LRRC17: variants seen among roughly 807,000 people sequenced by gnomAD.
LRRC17 encodes the protein leucine-rich repeat-containing protein 17.
Under a neutral mutation model 41.5 loss-of-function variants are expected in LRRC17, and 33 were observed. The ratio of observed to expected loss-of-function variants is 0.80; its 90% confidence interval spans 0.60 to 1.06. LRRC17 has a LOEUF of 1.06. LRRC17 is among the 50% of genes least tolerant of loss of function. The probability of loss-of-function intolerance (pLI) is 0.00; values close to 1 mark genes in which losing one functional copy is unlikely to be tolerated. For missense variants in LRRC17, 491 were observed against 519.3 expected (o/e 0.95, Z 0.53); for synonymous variants, 192 against 197.0 (o/e 0.97, Z 0.21).
intron 1 of LRRC17, among the ~76,000 whole-genome samples, chr7:102,924,032 G>C (rs964656446): frequency 3.3e-5 from 5 of 151,986 alleles, no homozygotes; most frequent in African/African-American, 1.2e-4. Context: ...CTAAGGTCAG[G>C]AGTTTGAGGC....
At chr7:102,917,783 C>A (rs1816195828) in intron 1 of LRRC17, among the ~76,000 whole-genome samples, 1 of 152,108 alleles carries the variant, frequency 6.6e-6, no homozygotes, top group Non-Finnish European at 1.5e-5. Flanking sequence ...GAGGAGAGAC[C>A]AGAGGCAGCA....
intron 1 of LRRC17, among the ~76,000 whole-genome samples, chr7:102,925,027 G>A (rs1419172447): frequency 6.6e-6 from 1 of 152,210 alleles, no homozygotes; most frequent in South Asian, 2.1e-4. Flanking sequence ...AATAGTTTGA[G>A]AAATGTTTTC....
Position 102,913,128 on chromosome 7 carries a change from T to A in LRRC17, c.-158T>A, listed in dbSNP as rs1446893196. On this transcript the variant is annotated 5_prime_UTR_variant, in exon 1 of 4. Coordinates refer to ENST00000339431, the MANE Select transcript of LRRC17 (RefSeq NM_001031692.3). ...GGTCCAGATAGATGAGCTTGTGGCA[T>A]CCATTCCCCAAGTTCAGGTACTGTA... 1.2e-6 allele frequency: 2 copies of A among 1,614,048 alleles called. No individual in the cohort carries two copies. Among genetic ancestry groups the A allele is most frequent in the South Asian group, 2.2e-5 (2 of 91,086 alleles).
At chr7:102,942,990 A>G (rs1397953986) in intron 3 of LRRC17, among the ~76,000 whole-genome samples, 1 of 152,160 alleles carries the variant, frequency 6.6e-6, no homozygotes, top group Non-Finnish European at 1.5e-5. Flanking sequence ...GGGTGAAAAA[A>G]GCTTTTTGTT....
At chr7:102,923,408 A>C (rs1817473998) in intron 1 of LRRC17, among the ~76,000 whole-genome samples, 1 of 152,232 alleles carries the variant, frequency 6.6e-6, no homozygotes, top group Non-Finnish European at 1.5e-5. Flanking sequence ...GTTGGGAAAA[A>C]ATGTGCAGTA....
intron 1 of LRRC17, chr7:102,932,950 T>C (rs1428641654): frequency 6.6e-6 from 1 of 152,248 alleles, no homozygotes; most frequent in African/African-American, 2.4e-5. Context: ...CAAGGAGATA[T>C]AGCAGTTAAC....
At chr7:102,934,766 C>A in intron 2 of LRRC17, 81 bp downstream of exon 2, 2 of 1,232,358 alleles carry the variant, frequency 1.6e-6, no homozygotes, top group Non-Finnish European at 2.3e-6. Flanking sequence ...TACATCCCAC[C>A]ATGTCTTGGA....
intron 1 of LRRC17, among the ~76,000 whole-genome samples, chr7:102,921,912 C>T (rs999053636): frequency 3.3e-5 from 5 of 151,972 alleles, no homozygotes; most frequent in Admixed American, 1.3e-4. Context: ...GGGTCAAGTC[C>T]AGGCATGGTG....
chr7:102,937,968 T>C (rs1435582114), intron 2 of LRRC17, among the ~76,000 whole-genome samples: 4 of 152,220 alleles, frequency 2.6e-5, no homozygotes, highest in East Asian at 3.8e-4. Context: ...GGACCTAATA[T>C]GTGCCCATTC....
chr7:102,939,685 G>A (rs535326806), intron 3 of LRRC17, 100 bp downstream of exon 3: 1 of 1,059,092 alleles, frequency 9.4e-7, no homozygotes, highest in Non-Finnish European at 1.3e-6. Flanking sequence ...AAAAGTAACT[G>A]AACTAAATAA....
intron 2 of LRRC17, among the ~76,000 whole-genome samples, chr7:102,935,599 A>G (rs1435899717): frequency 6.6e-6 from 1 of 152,198 alleles, no homozygotes. Flanking sequence ...GGATTTGCAC[A>G]TGCAAGATAA....
rs75059596 is a variant in LRRC17 at position 102,944,878 on chromosome 7, C to T, written c.*271C>T. On this transcript the variant is annotated 3_prime_UTR_variant, in exon 4 of 4. Transcript: ENST00000339431. ...GTTGGGTCCTAATGATGGCATTAGA[C>T]TTTCATAATGTCCTGTATAAATGTT... The T allele has an allele frequency of 1.2e-3, 408 of 334,168 alleles. 7 individuals carry two copies. In the East Asian group the frequency reaches 0.021, roughly 17 times the overall value. The allele number at this position is 334,168 out of a possible 1,614,324, so 20.7% of individuals were successfully genotyped here. A position where few individuals can be genotyped will look rare whatever the true frequency, so the allele number is the denominator to read the frequency against.
rs752574674 is a variant in LRRC17, at chr7:102,931,880, C to T, written c.-140-1894C>T. The T allele has an allele frequency of 1.1e-5, 18 of 1,613,360 alleles. No individual in the cohort carries two copies. In the African/African-American group the frequency reaches 2.1e-4, roughly 19 times the overall value. On this transcript the variant is annotated intron_variant, in intron 1 of 3. Transcript: ENST00000339431. ...CAGTAAAAATGGTTGCTTATACTCACTGTGAATGTTGGGCAGTCAGAGACA... is the reference window on the plus strand; with the variant it reads ...CAGTAAAAATGGTTGCTTATACTCATTGTGAATGTTGGGCAGTCAGAGACA...
At chr7:102,927,708 A>G (rs1818392425) in intron 1 of LRRC17, among the ~76,000 whole-genome samples, 1 of 152,178 alleles carries the variant, frequency 6.6e-6, no homozygotes, top group African/African-American at 2.4e-5. Flanking sequence ...CTTTTGATAA[A>G]CACTACTCTT....
At chr7:102,923,210 G>C (rs966089103) in intron 1 of LRRC17, among the ~76,000 whole-genome samples, 2 of 152,128 alleles carry the variant, frequency 1.3e-5, no homozygotes, top group Non-Finnish European at 2.9e-5. Flanking sequence ...ACAATGTCGT[G>C]GCTACAGACA....
rs1282086887 is a variant in LRRC17 at position 102,939,577 on chromosome 7, T to C, written c.920T>C (p.Ile307Thr). The C allele has an allele frequency of 4.3e-6, 7 of 1,613,102 alleles. No homozygotes were observed. The highest frequency in any genetic ancestry group is 1.3e-5 in the African/African-American group (1 of 74,860). Residue 307 changes from isoleucine to threonine, a missense_variant, in exon 3 of 4, where the codon ATC (isoleucine) becomes ACC (threonine). Coordinates refer to ENST00000339431, the MANE Select transcript of LRRC17 (RefSeq NM_001031692.3). ...CTCAGCAGCAATGGCATTGAATTCA[T>C]CGATCCTGGTAAGTTCCCCTGTATA... ...LNLSSNGIEF[I>T]DPAAFLGLTH...
At chr7:102,933,739 C>A in intron 1 of LRRC17, 35 bp from the exon 2 acceptor site, 1 of 589,536 alleles carries the variant, frequency 1.7e-6, no homozygotes, top group Non-Finnish European at 2.9e-6. Flanking sequence ...TTGCAATGGG[C>A]CTTAATTTTT....
In LRRC17 at chr7:102,934,606, A is replaced by G. The variant is rs148357310; in HGVS notation, c.693A>G (p.Pro231=). The change falls in exon 2 of 4, where the codon CCA becomes CCG. Residue 231 remains proline (P), a synonymous_variant. Coordinates refer to ENST00000339431, the MANE Select transcript of LRRC17 (RefSeq NM_001031692.3). ...AACCCCAAGTGTCAGGGAGACCCCC[A>G]GTCATCAAGCCTGAGGTGGACTCAA... ...DPKPQVSGRP[P]VIKPEVDSTF... The G allele has an allele frequency of 2.4e-5, 39 of 1,614,014 alleles. No individual in the cohort carries two copies. The highest frequency in any genetic ancestry group is 3.3e-4 in the Middle Eastern group (2 of 6,056).
At chr7:102,939,097 A>C (rs552830482) in intron 2 of LRRC17, among the ~76,000 whole-genome samples, 2 of 152,348 alleles carry the variant, frequency 1.3e-5, no homozygotes, top group South Asian at 4.1e-4. Context: ...TGTGGGTTCA[A>C]TAAGCAAGTC....
Sources: allele counts gnomAD v4.1 joint callset (sites outside exome capture counted in the v4.1 genomes callset), GRCh38; gene constraint gnomAD v4.1.1; transcripts MANE v1.5; gene names NCBI Gene and HGNC (gene_info 2026-07-23, HGNC 2026-07-21).